Variants in CYFIP1 observed in about 807,000 individuals in gnomAD.
CYFIP1 encodes the protein cytoplasmic FMR1 interacting protein 1.
Under a neutral mutation model 163.5 loss-of-function variants are expected in CYFIP1, and 58 were observed. The observed-to-expected ratio is 0.35, with a 90% CI of 0.29 to 0.44. The LOEUF (loss-of-function observed/expected upper bound fraction) is 0.44. Among genes scored for constraint, CYFIP1 ranks in the 20% least tolerant of loss-of-function variants. CYFIP1 has a pLI of 1.00. For missense variants in CYFIP1, 1,338 were observed against 1,653.8 expected (o/e 0.81, Z 3.31); for synonymous variants, 663 against 660.7 (o/e 1.00, Z -0.05).
At chr15:22,890,467 G>A (rs1210082586) in intron 23 of CYFIP1, among the ~76,000 whole-genome samples, 2 of 152,138 alleles carry the variant, frequency 1.3e-5, no homozygotes, top group East Asian at 1.9e-4. Flanking sequence ...CTGCCCAGGC[G>A]TGCACCCCAC....
At chr15:22,926,162 T>C (rs2061350843) in intron 12 of CYFIP1, 55 bp from the exon 13 acceptor site, 1 of 1,610,064 alleles carries the variant, frequency 6.2e-7, no homozygotes. Flanking sequence ...ACGCCTGGCT[T>C]CTGGTCTGAC....
At chr15:22,890,799 C>T (rs1007504136) in intron 23 of CYFIP1, among the ~76,000 whole-genome samples, 8 of 125,432 alleles carry the variant, frequency 6.4e-5, no homozygotes. Context: ...CACCTGCCAA[C>T]AGCCTCGAGA....
At chr15:22,978,212 T>C (rs2063341609) in intron 1 of CYFIP1, among the ~76,000 whole-genome samples, 1 of 151,112 alleles carries the variant, frequency 6.6e-6, no homozygotes, top group African/African-American at 2.4e-5. Context: ...ATTAGCCGGG[T>C]GTGGTGGTGC....
At chr15:22,919,122 C>A (rs1368616630) in intron 13 of CYFIP1, among the ~76,000 whole-genome samples, 7 of 152,170 alleles carry the variant, frequency 4.6e-5, no homozygotes. Context: ...TCCACCCCAG[C>A]ACACCCTCCT....
At chr15:22,948,836 T>G (rs1295976074) in intron 1 of CYFIP1, among the ~76,000 whole-genome samples, 1 of 144,904 alleles carries the variant, frequency 6.9e-6, no homozygotes, top group Non-Finnish European at 1.5e-5. Context: ...TCAGGAAAGA[T>G]TCAGTGAACT....
At chr15:22,916,055 C>T (rs142976781) in intron 16 of CYFIP1, among the ~76,000 whole-genome samples, 36 of 152,274 alleles carry the variant, frequency 2.4e-4, no homozygotes, top group African/African-American at 5.5e-4. Flanking sequence ...GCGCACCCAC[C>T]GGTGGCCGGT....
rs2059779291 is a variant in CYFIP1 at position 22,881,995 on chromosome 15, T to C, written c.2821-59A>G. The C allele has an allele frequency of 2.0e-6, 3 of 1,467,680 alleles. No homozygotes were observed. The East Asian group carries it at 6.9e-5, about 34-fold the overall frequency. The allele number at this position is 1,467,680 out of a possible 1,614,324, so 90.9% of individuals were successfully genotyped here. ...CCCCACTCCGCTCTGCTAACGCCTG[T>C]GGCCGGCGCATACCCTGAAACAAGT... On this transcript the variant is annotated intron_variant, in intron 24 of 30. Coordinates refer to ENST00000617928, the MANE Select transcript of CYFIP1 (RefSeq NM_014608.6).
intron 1 of CYFIP1, among the ~76,000 whole-genome samples, chr15:22,976,003 T>C (rs554962299): frequency 6.6e-6 from 1 of 152,314 alleles, no homozygotes; most frequent in African/African-American, 2.4e-5. Flanking sequence ...CTATGTTGAG[T>C]GTTCCAACCA....
intron 22 of CYFIP1, among the ~76,000 whole-genome samples, chr15:22,900,002 C>A (rs370839485): frequency 6.6e-6 from 1 of 152,256 alleles, no homozygotes; most frequent in South Asian, 2.1e-4. Context: ...CGAGACTGTA[C>A]AACTGCACTC....
intron 26 of CYFIP1, 43 bp downstream of exon 26, chr15:22,879,870 G>T (rs1243516493): frequency 6.8e-7 from 1 of 1,468,330 alleles, no homozygotes; most frequent in Admixed American, 1.9e-5. Context: ...GGTGGGGTGG[G>T]GTGGGCTGGG....
intron 1 of CYFIP1, among the ~76,000 whole-genome samples, chr15:22,965,545 G>A (rs1016820458): frequency 3.3e-5 from 5 of 152,154 alleles, no homozygotes; most frequent in African/African-American, 4.8e-5. Context: ...GAGCCTAGGC[G>A]TGCAGCAGGC....
At chr15:22,949,916 T>G (rs1289433755) in intron 1 of CYFIP1, among the ~76,000 whole-genome samples, 1 of 151,614 alleles carries the variant, frequency 6.6e-6, no homozygotes, top group Non-Finnish European at 1.5e-5. Flanking sequence ...ATCACTTGAG[T>G]CCAGGAGTTC....
chr15:22,912,706 T>C (rs558800190), intron 17 of CYFIP1, among the ~76,000 whole-genome samples: 1 of 152,116 alleles, frequency 6.6e-6, no homozygotes, highest in Non-Finnish European at 1.5e-5. Flanking sequence ...ATCACTTGAT[T>C]GAGGTGAGGA....
intron 21 of CYFIP1, among the ~76,000 whole-genome samples, chr15:22,907,457 C>T (rs1434123302): frequency 2.0e-5 from 3 of 152,178 alleles, no homozygotes; most frequent in East Asian, 1.9e-4. Flanking sequence ...AGCCCTAGGC[C>T]GACCAATACC....
At chr15:22,928,115 A>C in intron 11 of CYFIP1, 87 bp from the exon 12 acceptor site, 1 of 1,376,784 alleles carries the variant, frequency 7.3e-7, no homozygotes, top group Non-Finnish European at 9.4e-7. Flanking sequence ...AATCCACCCC[A>C]AAGTCACACG....
rs542006089 is a variant in CYFIP1 at position 22,880,900 on chromosome 15, C to T, written c.2912-857G>A. On this transcript the variant is annotated intron_variant, in intron 25 of 30. Transcript: ENST00000617928. ...TCATTCCCAGCAAGCTTTCCCTGTA[C>T]CACACTGGGAAATGGCTCCCTCCTC... Among the ~76,000 whole-genome samples, 6 of 152,294 alleles carry T rather than the reference C, an allele frequency of 3.9e-5. No individual in the cohort carries two copies. The East Asian group carries it at 1.2e-3, about 29-fold the overall frequency.
chr15:22,929,405 G>T (rs1183556764), intron 11 of CYFIP1, among the ~76,000 whole-genome samples: 1 of 151,972 alleles, frequency 6.6e-6, no homozygotes, highest in African/African-American at 2.4e-5. Flanking sequence ...AGGCTGAGGT[G>T]GGCGAATCAC....
At position 22,917,025 on chromosome 15, in the gene CYFIP1, T is replaced by C. The variant is rs1167044361; in HGVS notation, c.1675-395A>G. On this transcript the variant is annotated intron_variant, in intron 15 of 30. Transcript: ENST00000617928. The surrounding 1 kb of genome is among the most constrained non-coding windows in gnomAD (Gnocchi z 4.2). ...GGACTCGGCCATGGTGCGCACCAGG[T>C]AGAGCTAGACACGGACAGACAGGAG... 6.5e-7 allele frequency: 1 copy of C among 1,544,344 alleles called. No homozygotes were observed. The highest frequency in any genetic ancestry group is 1.4e-5 in the African/African-American group (1 of 72,660).
intron 1 of CYFIP1, among the ~76,000 whole-genome samples, chr15:22,977,674 T>C (rs1011591701): frequency 2.0e-5 from 3 of 150,140 alleles, no homozygotes; most frequent in African/African-American, 7.4e-5. Context: ...CTACTAAAAA[T>C]ACAAAAATTA....
Sources: gnomAD v4.1 joint callset for allele counts (sites outside exome capture counted in the v4.1 genomes callset) on GRCh38, gnomAD v4.1.1 for gene constraint, Gnocchi (gnomAD v3.1) non-coding constraint, MANE v1.5 for transcripts, NCBI Gene and HGNC (gene_info 2026-07-23, HGNC 2026-07-21) for gene names.